Variants in SLITRK5 observed in about 807,000 individuals in gnomAD.
The protein encoded by SLITRK5 is SLIT and NTRK-like protein 5.
SLITRK5 carries 23 observed loss-of-function variants against 56.2 expected under a neutral mutation model. That is an observed-to-expected ratio of 0.41 (90% confidence interval 0.29 to 0.58). The LOEUF is 0.58. Among genes scored for constraint, SLITRK5 ranks in the 20% least tolerant of loss-of-function variants. The pLI is 0.30. For missense variants in SLITRK5, 1,289 were observed against 1,226.6 expected (o/e 1.05, Z -0.76); for synonymous variants, 637 against 531.8 (o/e 1.20, Z -2.72).
At chr13:87,675,001 A>G (rs1009552604) in intron 1 of SLITRK5, among the ~76,000 whole-genome samples, 8 of 151,744 alleles carry the variant, frequency 5.3e-5, no homozygotes, top group African/African-American at 1.5e-4. Context: ...AACCTTGTAA[A>G]ATGGTGCTTC....
chr13:87,674,877 T>A (rs1877201537), intron 1 of SLITRK5, among the ~76,000 whole-genome samples: 1 of 151,702 alleles, frequency 6.6e-6, no homozygotes. Flanking sequence ...ATACCCCAAG[T>A]ATTTTGGCTC....
At position 87,677,560 on chromosome 13, in the gene SLITRK5, C is replaced by A. The variant is rs773265692; in HGVS notation, c.2172C>A (p.Gly724=). The A allele has an allele frequency of 1.2e-5, 20 of 1,608,438 alleles. No individual in the cohort carries two copies. The highest frequency in any genetic ancestry group is 1.7e-5 in the Non-Finnish European group (20 of 1,176,710). The change falls in exon 2 of 2, where the codon GGC becomes GGA. Residue 724 remains glycine (G), a synonymous_variant. Coordinates refer to ENST00000683689, the MANE Select transcript of SLITRK5 (RefSeq NM_001384609.1). The surrounding 1 kb of genome is among the most constrained non-coding windows in gnomAD (Gnocchi z 4.7). ...TGTACGGCGGCGGCGGCGGCACGGGCGGCCACCCACACGCGCACGTGCATC... is the reference window on the plus strand; with the variant it reads ...TGTACGGCGGCGGCGGCGGCACGGGAGGCCACCCACACGCGCACGTGCATC... ...YSVYGGGGGT[G]GHPHAHVHHR...
intron 1 of SLITRK5, among the ~76,000 whole-genome samples, chr13:87,674,121 CAAAAAGAGAGCAAGAAA>C (rs1471272893): frequency 2.3e-4 from 35 of 149,890 alleles, no homozygotes; most frequent in African/African-American, 6.9e-4. Context: ...TTCAAGGGGA[CAAAAAGAGAGCAAGAAA>C]AAAAAGGGGG....
chr13:87,673,874 C>T (rs1444280393), intron 1 of SLITRK5, among the ~76,000 whole-genome samples: 1 of 151,940 alleles, frequency 6.6e-6, no homozygotes, highest in Admixed American at 6.6e-5. Flanking sequence ...AGTTGCAATT[C>T]GATATTAGAC....
intron 1 of SLITRK5, among the ~76,000 whole-genome samples, chr13:87,674,199 T>G (rs1457342316): frequency 6.6e-6 from 1 of 152,174 alleles, no homozygotes; most frequent in Non-Finnish European, 1.5e-5. Context: ...ATTAAACAAC[T>G]GACCTAAGTC....
rs192873195 is a variant in SLITRK5 at position 87,678,250 on chromosome 13, G to A, written c.2862G>A (p.Thr954=). The change falls in exon 2 of 2, where the codon ACG becomes ACA. Residue 954 remains threonine (T), a synonymous_variant. Coordinates refer to ENST00000683689, the MANE Select transcript of SLITRK5 (RefSeq NM_001384609.1). ...DYLEVLEKQT[T]FSQF ...TCGAAGTGCTGGAAAAACAGACCACGTTTAGCCAGTTCTAAAAGCAAAGAA... is the reference window on the plus strand; with the variant it reads ...TCGAAGTGCTGGAAAAACAGACCACATTTAGCCAGTTCTAAAAGCAAAGAA... 40 of 1,607,830 alleles carry A rather than the reference G, an allele frequency of 2.5e-5. No homozygotes were observed. Among genetic ancestry groups the A allele is most frequent in the South Asian group, 1.9e-4 (17 of 90,568 alleles).
chr13:87,677,466 A>T lies in SLITRK5; in HGVS notation c.2078A>T (p.Lys693Met), dbSNP rs768946937. ...TTCGTGCTGGTCATGAAGCGCAGGA[A>T]GAAGAACCAGAGCGACCACACCAGC... Reference protein sequence around the residue: ...GLFVLVMKRRKKNQSDHTSTN... With the variant: ...GLFVLVMKRRMKNQSDHTSTN... The change falls in exon 2 of 2, where the codon AAG (lysine) becomes ATG (methionine). Residue 693 changes from lysine (K) to methionine (M), a missense_variant. By Grantham distance (95) the Lys-to-Met change is moderately conservative. Around this residue, in one of 3 missense-constraint regions of SLITRK5, gnomAD observed 985 missense variants for 906.0 expected, o/e 1.09. Coordinates refer to ENST00000683689, the MANE Select transcript of SLITRK5 (RefSeq NM_001384609.1). This position sits in a 1 kb window ranked among gnomAD's most constrained non-coding sequence, Gnocchi z 4.7. 1 of 1,612,264 alleles carries T rather than the reference A, an allele frequency of 6.2e-7. No individual in the cohort carries two copies.
Position 87,677,679 on chromosome 13 carries a change from T to A in SLITRK5, c.2291T>A (p.Ile764Asn). Reference protein sequence around the residue: ...HPLGHMCKNPIYRSREGNSVE... With the variant: ...HPLGHMCKNPNYRSREGNSVE... Reference sequence around the variant, plus strand: ...CTGGGCCACATGTGCAAAAACCCCATCTACCGCTCCCGAGAGGGCAACTCC... The same window carrying A: ...CTGGGCCACATGTGCAAAAACCCCAACTACCGCTCCCGAGAGGGCAACTCC... Residue 764 changes from isoleucine (I) to asparagine (N), a missense_variant, in exon 2 of 2, where the codon ATC becomes AAC. Around this residue, in one of 3 missense-constraint regions of SLITRK5, gnomAD observed 985 missense variants for 906.0 expected, o/e 1.09. Coordinates refer to ENST00000683689, the MANE Select transcript of SLITRK5 (RefSeq NM_001384609.1). The surrounding 1 kb of genome is among the most constrained non-coding windows in gnomAD (Gnocchi z 4.7). 6.2e-7 allele frequency: 1 copy of A among 1,605,856 alleles called. No homozygotes were observed. The highest frequency in any genetic ancestry group is 8.5e-7 in the Non-Finnish European group (1 of 1,173,660).
chr13:87,675,575 G>T lies in SLITRK5; in HGVS notation c.187G>T (p.Val63Leu). The change falls in exon 2 of 2, where the codon GTG becomes TTG. Residue 63 changes from valine to leucine, a missense_variant. Coordinates refer to ENST00000683689, the MANE Select transcript of SLITRK5 (RefSeq NM_001384609.1). ...TGAGGAAAAGGACGGCATTTTAACT[G>T]TGAGCTGTGAAAACCGGGGGATCAT... The part of the protein sequence containing the change: ...PCEEKDGILT[V>L]SCENRGIISL... 1 of 1,614,162 alleles carries T rather than the reference G, an allele frequency of 6.2e-7. No homozygotes were observed. The highest frequency in any genetic ancestry group is 1.1e-5 in the South Asian group (1 of 91,080).
Position 87,678,257 on chromosome 13 carries a change from CA to C in SLITRK5, c.2870del (p.Gln957ArgfsTer29). 6.2e-7 allele frequency: 1 copy of C among 1,606,432 alleles called. No homozygotes were observed. Among genetic ancestry groups the C allele is most frequent in the African/African-American group, 1.3e-5 (1 of 74,662 alleles). ...EVLEKQTTFSQF is the reference protein window; with the variant it reads ...EVLEKQTTFSXF ...GCTGGAAAAACAGACCACGTTTAGCCAGTTCTAAAAGCAAAGAAACTCTCTT... is the reference window on the plus strand; with the variant it reads ...GCTGGAAAAACAGACCACGTTTAGCCGTTCTAAAAGCAAAGAAACTCTCTT... On this transcript the variant is annotated frameshift_variant, in exon 2 of 2. Transcript: ENST00000683689.
Position 87,676,678 on chromosome 13 carries a change from G to A in SLITRK5, c.1290G>A (p.Leu430=). 1 of 1,613,978 alleles carries A rather than the reference G, an allele frequency of 6.2e-7. No homozygotes were observed. The highest frequency in any genetic ancestry group is 1.7e-5 in the Admixed American group (1 of 60,014). ...YIAVVRRTDF[L]EATGLDLLHL... ...CTGTCGTGCGCAGGACAGACTTCCT[G>A]GAGGCCACGGGGCTGGACCTCCTGC... Residue 430 remains leucine, a synonymous_variant, in exon 2 of 2, where the codon CTG becomes CTA. Transcript: ENST00000683689.
chr13:87,677,727 A>T lies in SLITRK5; in HGVS notation c.2339A>T (p.His780Leu). 2.5e-6 allele frequency: 4 copies of T among 1,612,676 alleles called. No individual in the cohort carries two copies. Among genetic ancestry groups the T allele is most frequent in the Non-Finnish European group, 3.4e-6 (4 of 1,179,222 alleles). ...TCCGTAGAGGATTACAAAGACCTGCACGAGCTCAAGGTCACCTACAGCAGC... is the reference window on the plus strand; with the variant it reads ...TCCGTAGAGGATTACAAAGACCTGCTCGAGCTCAAGGTCACCTACAGCAGC... Reference protein sequence around the residue: ...GNSVEDYKDLHELKVTYSSNH... With the variant: ...GNSVEDYKDLLELKVTYSSNH... Residue 780 changes from histidine to leucine, a missense_variant, in exon 2 of 2, where the codon CAC becomes CTC. Physicochemically the swap from His to Leu is moderately conservative, Grantham distance 99 (BLOSUM62 -3). Transcript: ENST00000683689. The surrounding 1 kb of genome is among the most constrained non-coding windows in gnomAD (Gnocchi z 4.7).
Position 87,675,375 on chromosome 13 carries a change from T to G in SLITRK5, c.-8-6T>G. On this transcript the variant is annotated splice_region_variant and splice_polypyrimidine_tract_variant and intron_variant, in intron 1 of 1. Transcript: ENST00000683689. The stretch of plus-strand genomic sequence containing the variant: ...GTTATTTCCTTGTTTTCTCTCTCCC[T>G]TACAGGAGGTAAAATGCACACTTGC... The G allele has an allele frequency of 6.2e-7, 1 of 1,608,116 alleles. No individual in the cohort carries two copies. The highest frequency in any genetic ancestry group is 8.5e-7 in the Non-Finnish European group (1 of 1,174,846).
At position 87,671,827 on chromosome 13, in the gene SLITRK5, C is replaced by T. The variant is rs920077090; in HGVS notation, c.-391C>T. 6.6e-6 allele frequency among the ~76,000 whole-genome samples: 1 copy of T among 151,982 alleles called. No individual in the cohort carries two copies. The highest frequency in any genetic ancestry group is 2.1e-4 in the South Asian group (1 of 4,816). On this transcript the variant is annotated 5_prime_UTR_variant, in exon 1 of 2. Transcript: ENST00000683689. Reference sequence around the variant, plus strand: ...GGCGGGCTCGGCGCGGAGACAGCGTCGGCGGGATCCCAGCGCGGTGGTCGC... The same window carrying T: ...GGCGGGCTCGGCGCGGAGACAGCGTTGGCGGGATCCCAGCGCGGTGGTCGC...
rs773073027 is a variant in SLITRK5, at chr13:87,677,874, G to T, written c.2486G>T (p.Arg829Leu). Residue 829 changes from arginine (R) to leucine (L), a missense_variant, in exon 2 of 2, where the codon CGG becomes CTG. By Grantham distance (102) the Arg-to-Leu change is moderately radical (BLOSUM62 -2). Transcript: ENST00000683689. The surrounding 1 kb of genome is among the most constrained non-coding windows in gnomAD (Gnocchi z 4.7). ...EEERRESHHL[R>L]SPAYSVSTIE... ...GAGAGGCGGGAAAGCCACCACTTGC[G>T]GAGCCCCGCCTACAGCGTCAGCACC... 3 of 1,609,430 alleles carry T rather than the reference G, an allele frequency of 1.9e-6. No individual in the cohort carries two copies. The highest frequency in any genetic ancestry group is 2.5e-6 in the Non-Finnish European group (3 of 1,178,170).
Position 87,677,100 on chromosome 13 carries a change from T to C in SLITRK5, c.1712T>C (p.Ile571Thr), listed in dbSNP as rs376500575. The part of the protein sequence containing the change: ...HDNPWDCTCD[I>T]VGMKLWVEQL... ...AATCCTTGGGATTGTACCTGTGACA[T>C]TGTGGGCATGAAGCTGTGGGTGGAG... The change falls in exon 2 of 2, where the codon ATT (isoleucine) becomes ACT (threonine). Residue 571 changes from isoleucine to threonine, a missense_variant. By Grantham distance (89) the Ile-to-Thr change is moderately conservative. This residue lies in a region of SLITRK5 where 985 missense variants were observed against 906.0 expected (regional missense o/e 1.09). Coordinates refer to ENST00000683689, the MANE Select transcript of SLITRK5 (RefSeq NM_001384609.1). This position sits in a 1 kb window ranked among gnomAD's most constrained non-coding sequence, Gnocchi z 4.7. 15 of 1,614,012 alleles carry C rather than the reference T, an allele frequency of 9.3e-6. No homozygotes were observed. The African/African-American group carries it at 1.3e-4, about 14-fold the overall frequency.
Position 87,677,219 on chromosome 13 carries a change from C to T in SLITRK5, c.1831C>T (p.Leu611=), listed in dbSNP as rs1877316758. 1 of 1,614,078 alleles carries T rather than the reference C, an allele frequency of 6.2e-7. No homozygotes were observed. Among genetic ancestry groups the T allele is most frequent in the South Asian group, 1.1e-5 (1 of 91,086 alleles). ...TDMRSIKSEL[L]CPDYSDVVVS... ...CATGCGCTCCATTAAGTCGGAGCTG[C>T]TGTGCCCTGACTATTCAGATGTAGT... Residue 611 remains leucine (L), a synonymous_variant, in exon 2 of 2, where the codon CTG becomes TTG. Transcript: ENST00000683689. The surrounding 1 kb of genome is among the most constrained non-coding windows in gnomAD (Gnocchi z 4.7).
Position 87,678,242 on chromosome 13 carries a change from C to T in SLITRK5, c.2854C>T (p.Gln952Ter). The T allele has an allele frequency of 6.2e-7, 1 of 1,612,876 alleles. No individual in the cohort carries two copies. The highest frequency in any genetic ancestry group is 8.5e-7 in the Non-Finnish European group (1 of 1,179,342). The change falls in exon 2 of 2, where the codon CAG (glutamine) becomes TAG (stop). Residue 952 changes from glutamine (Q) to a stop codon, truncating the protein, a stop_gained. Coordinates refer to ENST00000683689, the MANE Select transcript of SLITRK5 (RefSeq NM_001384609.1). LOFTEE classifies it high-confidence loss of function. ...GGACTACCTCGAAGTGCTGGAAAAACAGACCACGTTTAGCCAGTTCTAAAA... is the reference window on the plus strand; with the variant it reads ...GGACTACCTCGAAGTGCTGGAAAAATAGACCACGTTTAGCCAGTTCTAAAA... ...EPDYLEVLEK[Q>*]TTFSQF
intron 1 of SLITRK5, among the ~76,000 whole-genome samples, chr13:87,674,794 T>C (rs987165253): frequency 1.2e-4 from 18 of 152,128 alleles, no homozygotes; most frequent in African/African-American, 4.1e-4. Flanking sequence ...TTTGATGCAT[T>C]ATATTACAGC....
Sources: gnomAD v4.1 joint callset for allele counts (sites outside exome capture counted in the v4.1 genomes callset) on GRCh38, gnomAD v4.1.1 for gene constraint, gnomAD v4.1.1 regional missense constraint, Gnocchi (gnomAD v3.1) non-coding constraint, MANE v1.5 for transcripts, NCBI Gene and HGNC (gene_info 2026-07-23, HGNC 2026-07-21) for gene names.